Variants in CADM2 observed in about 807,000 individuals in gnomAD.
CADM2 encodes cell adhesion molecule 2, also known as immunoglobulin superfamily member 4D.
Under a neutral mutation model 49.8 loss-of-function variants are expected in CADM2, and 12 were observed. The ratio of observed to expected loss-of-function variants is 0.24; its 90% CI spans 0.15 to 0.39. The LOEUF (loss-of-function observed/expected upper bound fraction) is 0.39. CADM2 is among the 10% of genes least tolerant of loss of function. The pLI, the probability that CADM2 is intolerant of heterozygous loss-of-function variation, is 1.00. For missense variants in CADM2, 378 were observed against 492.3 expected, an observed-to-expected ratio of 0.77 and a Z score of 2.20; for synonymous variants, 214 against 175.4, an observed-to-expected ratio of 1.22 and a Z score of -1.74.
intron 1 of CADM2, among the ~76,000 whole-genome samples, chr3:85,216,730 C>T (rs1008636884): frequency 6.6e-6 from 1 of 151,962 alleles, no homozygotes; most frequent in Non-Finnish European, 1.5e-5. Context: ...TTGAGTTTAT[C>T]TTGCTATAAA....
chr3:86,042,040 G>C (rs146388759), intron 8 of CADM2, among the ~76,000 whole-genome samples: 7,344 of 152,206 alleles, frequency 0.048, 386 homozygotes, highest in African/African-American at 0.14. Flanking sequence ...GGAGAACAAA[G>C]ACACAACATA....
intron 1 of CADM2, among the ~76,000 whole-genome samples, chr3:85,285,360 C>CA (rs1346640895): frequency 3.3e-5 from 5 of 151,964 alleles, no homozygotes; most frequent in Non-Finnish European, 7.4e-5. Flanking sequence ...ATAGGTAGTT[C>CA]AAAAACCAAT....
At chr3:86,030,873 C>T (rs1173819821) in intron 8 of CADM2, among the ~76,000 whole-genome samples, 1 of 151,720 alleles carries the variant, frequency 6.6e-6, no homozygotes, top group African/African-American at 2.4e-5. Context: ...TTTCAAATGC[C>T]AGTTACTTTC....
At chr3:85,067,175 C>T (rs2036556393) in intron 1 of CADM2, among the ~76,000 whole-genome samples, 1 of 151,968 alleles carries the variant, frequency 6.6e-6, no homozygotes, top group Non-Finnish European at 1.5e-5. Flanking sequence ...TCTGAATGTT[C>T]ATAATATTAA....
At chr3:84,970,179 T>C (rs2031320947) in intron 1 of CADM2, among the ~76,000 whole-genome samples, 1 of 151,474 alleles carries the variant, frequency 6.6e-6, no homozygotes, top group South Asian at 2.1e-4. Flanking sequence ...TAAAAGGCCC[T>C]TTAAAAATTC....
intron 1 of CADM2, among the ~76,000 whole-genome samples, chr3:85,132,281 A>G (rs987213004): frequency 2.0e-5 from 3 of 152,208 alleles, no homozygotes; most frequent in Non-Finnish European, 4.4e-5. Flanking sequence ...CTGTAAGAAC[A>G]AAGAACCCCG....
At chr3:84,967,374 C>T (rs995408931) in intron 1 of CADM2, among the ~76,000 whole-genome samples, 17 of 152,104 alleles carry the variant, frequency 1.1e-4, no homozygotes, top group African/African-American at 3.1e-4. Context: ...CCTGTATCCC[C>T]CATGGGGGAA....
chr3:85,268,424 G>A (rs2043167226), intron 1 of CADM2, among the ~76,000 whole-genome samples: 1 of 151,314 alleles, frequency 6.6e-6, no homozygotes, highest in Non-Finnish European at 1.5e-5. Flanking sequence ...CTTGAAAAAT[G>A]AAAGGTTTAA....
chr3:85,300,864 C>A (rs2044081182), intron 1 of CADM2, among the ~76,000 whole-genome samples: 2 of 151,832 alleles, frequency 1.3e-5, no homozygotes, highest in African/African-American at 4.8e-5. Context: ...GAATTTTGCA[C>A]CATGAGCTTC....
chr3:85,296,898 A>G (rs549367865), intron 1 of CADM2, among the ~76,000 whole-genome samples: 1 of 152,148 alleles, frequency 6.6e-6, no homozygotes, highest in Admixed American at 6.6e-5. Flanking sequence ...CCATATTTCT[A>G]GTTTCTCAGC....
intron 2 of CADM2, among the ~76,000 whole-genome samples, chr3:85,773,372 A>C (rs140162947): frequency 6.6e-6 from 1 of 152,076 alleles, no homozygotes; most frequent in Non-Finnish European, 1.5e-5. Context: ...ACTGGAGGAA[A>C]AGTGTTTTCA....
chr3:85,365,685 G>A (rs956842489), intron 1 of CADM2, among the ~76,000 whole-genome samples: 2 of 152,082 alleles, frequency 1.3e-5, no homozygotes, highest in Non-Finnish European at 2.9e-5. Context: ...ATACATAAAT[G>A]AAAAATTATT....
chr3:85,295,736 A>G (rs541400518), intron 1 of CADM2, among the ~76,000 whole-genome samples: 22 of 152,116 alleles, frequency 1.4e-4, no homozygotes, highest in Admixed American at 4.6e-4. Context: ...ATTAGATCAC[A>G]TGGACACAGG....
At chr3:86,008,412 T>C (rs887245377) in intron 8 of CADM2, among the ~76,000 whole-genome samples, 1 of 152,136 alleles carries the variant, frequency 6.6e-6, no homozygotes, top group Non-Finnish European at 1.5e-5. Flanking sequence ...TAAGTCAGTT[T>C]AGAATCATTC....
In CADM2 at chr3:84,959,127, A is replaced by G; in HGVS notation, c.-481A>G. ...TTCCACTGCTTCTACCTCCCCTCCC[A>G]GGACCCCGAGACACCCCGGGCGCGA... On this transcript the variant is annotated 5_prime_UTR_variant, in exon 1 of 10. Coordinates refer to ENST00000383699, the MANE Select transcript of CADM2 (RefSeq NM_001167675.2). 1 of 190,996 alleles carries G rather than the reference A, an allele frequency of 5.2e-6. No homozygotes were observed. Among genetic ancestry groups the G allele is most frequent in the South Asian group, 7.5e-5 (1 of 13,398 alleles). 11.8% of individuals were successfully genotyped at this position (190,996 alleles called of 1,614,324 possible).
At position 85,852,576 on chromosome 3, in the gene CADM2, G is replaced by A. The variant is rs957820394; in HGVS notation, c.239-30715G>A. Among the ~76,000 whole-genome samples, 14 of 151,910 alleles carry A rather than the reference G, an allele frequency of 9.2e-5. No homozygotes were observed. In the East Asian group the frequency reaches 2.7e-3, roughly 29 times the overall value. ...AAACATTTAACAGGAAATATTGAGA[G>A]AAAGAAAAAAATGTATCAGTATACA... On this transcript the variant is annotated intron_variant, in intron 3 of 9. Transcript: ENST00000383699.
At chr3:85,101,923 T>C (rs910829874) in intron 1 of CADM2, among the ~76,000 whole-genome samples, 1 of 152,172 alleles carries the variant, frequency 6.6e-6, no homozygotes, top group African/African-American at 2.4e-5. Context: ...ACAGTGTGTA[T>C]CTAACTCTTC....
intron 1 of CADM2, among the ~76,000 whole-genome samples, chr3:85,637,577 C>T (rs1348219896): frequency 1.7e-3 from 203 of 120,670 alleles, no homozygotes; most frequent in African/African-American, 6.0e-3. Context: ...AGTCCGCAGT[C>T]CGGCCTGGGC....
At chr3:85,167,187 C>T (rs1012811250) in intron 1 of CADM2, among the ~76,000 whole-genome samples, 1 of 151,932 alleles carries the variant, frequency 6.6e-6, no homozygotes, top group African/African-American at 2.4e-5. Flanking sequence ...AAAGGTGACT[C>T]CTGCAGAAAG....
Sources: gnomAD v4.1 joint callset for allele counts (sites outside exome capture counted in the v4.1 genomes callset) on GRCh38, gnomAD v4.1.1 for gene constraint, MANE v1.5 for transcripts, NCBI Gene and HGNC (gene_info 2026-07-23, HGNC 2026-07-21) for gene names.